The following LRP1B variants were observed in gnomAD, a reference collection of about 807,000 sequenced individuals.
LRP1B encodes the protein low-density lipoprotein receptor-related protein 1B.
In LRP1B, 217 loss-of-function variants were observed where a neutral mutation model predicts 556.6. The ratio of observed to expected loss-of-function variants is 0.39; its 90% CI spans 0.35 to 0.44. The LOEUF is 0.44. LRP1B is among the 20% of genes least tolerant of loss of function. LRP1B has a pLI of 1.00. For synonymous variants in LRP1B, 2,047 were observed against 1,865.8 expected, an observed-to-expected ratio of 1.10 and a Z score of -2.50; for missense variants, 5,053 against 5,620.8, an observed-to-expected ratio of 0.90 and a Z score of 3.23.
chr2:141,103,601 T>TA (rs1700522398), intron 7 of LRP1B, among the ~76,000 whole-genome samples: 1 of 151,706 alleles, frequency 6.6e-6, no homozygotes, highest in Admixed American at 6.6e-5. Context: ...GTGCACCTAT[T>TA]TACCAGTAGC....
intron 7 of LRP1B, among the ~76,000 whole-genome samples, chr2:141,176,386 C>T (rs1163959230): frequency 6.6e-6 from 1 of 152,002 alleles, no homozygotes; most frequent in African/African-American, 2.4e-5. Context: ...TTCCCCTTTT[C>T]TGTTCTCATG....
At chr2:141,031,717 C>G (rs1455422061) in intron 11 of LRP1B, among the ~76,000 whole-genome samples, 1 of 151,754 alleles carries the variant, frequency 6.6e-6, no homozygotes, top group East Asian at 1.9e-4. Flanking sequence ...ACGAAGAAAA[C>G]AACAACACTT....
At chr2:140,761,341 A>G (rs1026281170) in intron 35 of LRP1B, among the ~76,000 whole-genome samples, 29 of 152,306 alleles carry the variant, frequency 1.9e-4, no homozygotes, top group African/African-American at 7.0e-4. Context: ...GGTCTATAAT[A>G]TTGTGATAGG....
intron 2 of LRP1B, among the ~76,000 whole-genome samples, chr2:141,658,863 A>T (rs149073148): frequency 6.6e-6 from 1 of 152,258 alleles, no homozygotes; most frequent in Admixed American, 6.5e-5. Flanking sequence ...AGACAAAAAT[A>T]AGGCATCACT....
intron 7 of LRP1B, among the ~76,000 whole-genome samples, chr2:141,127,470 T>C (rs974544516): frequency 1.8e-4 from 27 of 152,058 alleles, no homozygotes; most frequent in African/African-American, 5.8e-4. Context: ...TTCACAATAG[T>C]AAAGACTTGG....
At chr2:141,826,183 A>C (rs953813909) in intron 1 of LRP1B, among the ~76,000 whole-genome samples, 1 of 151,814 alleles carries the variant, frequency 6.6e-6, no homozygotes, top group South Asian at 2.1e-4. Context: ...TCTATATAGA[A>C]AAAATATATA....
chr2:140,963,270 CAT>C lies in LRP1B; in HGVS notation c.2888-11332_2888-11331del, dbSNP rs557071592. On this transcript the variant is annotated intron_variant, in intron 18 of 90. Transcript: ENST00000389484. ...AAATAATTTCAATTGAAAAAAAAAA[CAT>C]ATATTCCCACTTGAGAAAAGAAGAT... is the stretch of plus-strand genomic sequence containing the variant. Among the ~76,000 whole-genome samples the C allele has an allele frequency of 6.6e-4, 97 of 146,154 alleles. 1 individual carries two copies. Among genetic ancestry groups the C allele is most frequent in the African/African-American group, 2.4e-3 (96 of 40,028 alleles).
At chr2:140,851,550 A>T in intron 28 of LRP1B, 102 bp downstream of exon 28, 1 of 1,378,416 alleles carries the variant, frequency 7.3e-7, no homozygotes. Flanking sequence ...AAACAGAAAA[A>T]AAAACTTCCT....
intron 1 of LRP1B, among the ~76,000 whole-genome samples, chr2:142,118,784 CA>C: frequency 6.6e-6 from 1 of 152,222 alleles, no homozygotes; most frequent in African/African-American, 2.4e-5. Flanking sequence ...CTAAAGTACA[CA>C]GCAAACAAAT....
chr2:140,763,856 C>T (rs1306165003), intron 35 of LRP1B, among the ~76,000 whole-genome samples: 1 of 152,058 alleles, frequency 6.6e-6, no homozygotes, highest in Non-Finnish European at 1.5e-5. Flanking sequence ...AATCTATACA[C>T]ACTGTTCACA....
At chr2:141,990,759 G>GT (rs1274408036) in intron 1 of LRP1B, among the ~76,000 whole-genome samples, 1 of 151,994 alleles carries the variant, frequency 6.6e-6, no homozygotes, top group Non-Finnish European at 1.5e-5. Flanking sequence ...ACACATATTT[G>GT]ATATTTTTAA....
chr2:141,875,586 T>C (rs531750172), intron 1 of LRP1B, among the ~76,000 whole-genome samples: 1 of 152,126 alleles, frequency 6.6e-6, no homozygotes, highest in South Asian at 2.1e-4. Flanking sequence ...TAATAATAGT[T>C]TGACAATTAT....
rs568256966 is a variant in LRP1B at position 142,030,323 on chromosome 2, T to A, written c.82+100325A>T. The stretch of plus-strand genomic sequence containing the variant: ...CTTATGTTCATTAAGGCAAGAAATA[T>A]AAATTGAATAACCACTGCTAAACAT... On this transcript the variant is annotated intron_variant, in intron 1 of 90. Transcript: ENST00000389484. 3.3e-5 allele frequency among the ~76,000 whole-genome samples: 5 copies of A among 152,088 alleles called. No homozygotes were observed. The East Asian group carries it at 9.7e-4, about 30-fold the overall frequency.
intron 1 of LRP1B, among the ~76,000 whole-genome samples, chr2:141,916,305 A>G (rs1700029918): frequency 6.6e-6 from 1 of 152,112 alleles, no homozygotes. Flanking sequence ...TTATCCTAAG[A>G]GAATTAACAC....
At chr2:141,067,463 A>T (rs887247062) in intron 7 of LRP1B, among the ~76,000 whole-genome samples, 2 of 151,980 alleles carry the variant, frequency 1.3e-5, no homozygotes, top group African/African-American at 4.8e-5. Context: ...GTTTATACAT[A>T]AACACACAGA....
At chr2:141,317,907 T>G (rs1403697101) in intron 3 of LRP1B, among the ~76,000 whole-genome samples, 1 of 152,066 alleles carries the variant, frequency 6.6e-6, no homozygotes, top group East Asian at 1.9e-4. Context: ...CAGCATTAAC[T>G]CAAAGGCCCA....
chr2:140,967,258 C>T (rs1696256435), intron 18 of LRP1B, among the ~76,000 whole-genome samples: 1 of 151,910 alleles, frequency 6.6e-6, no homozygotes, highest in South Asian at 2.1e-4. Context: ...GGGTTCTTCA[C>T]ATCCCTTGTA....
At chr2:140,649,399 G>A (rs1559030845) in intron 41 of LRP1B, among the ~76,000 whole-genome samples, 1 of 152,000 alleles carries the variant, frequency 6.6e-6, no homozygotes, top group Non-Finnish European at 1.5e-5. Context: ...CCTACAAATA[G>A]CACTTTCAAG....
At chr2:140,538,731 A>C (rs1247154558) in intron 45 of LRP1B, among the ~76,000 whole-genome samples, 2 of 152,136 alleles carry the variant, frequency 1.3e-5, no homozygotes, top group Non-Finnish European at 2.9e-5. Flanking sequence ...ATAGAACAAA[A>C]TTCAGCCACT....
Sources: gnomAD v4.1 joint callset for allele counts (sites outside exome capture counted in the v4.1 genomes callset) on GRCh38, gnomAD v4.1.1 for gene constraint, MANE v1.5 for transcripts, NCBI Gene and HGNC (gene_info 2026-07-23, HGNC 2026-07-21) for gene names.